Variants in CUX2 observed in about 807,000 individuals in gnomAD.
CUX2 encodes homeobox protein cut-like 2.
A neutral mutation model predicts 144.8 loss-of-function variants in CUX2; 40 were observed. That is an observed-to-expected ratio of 0.28 (90% confidence interval 0.21 to 0.36). The LOEUF (loss-of-function observed/expected upper bound fraction) is 0.36, where lower values mean the gene tolerates loss of function less well. Among genes scored for constraint, CUX2 ranks in the 10% least tolerant of loss-of-function variants. CUX2 has a pLI of 1.00. For synonymous variants in CUX2, 827 were observed against 875.6 expected (o/e 0.94, Z 0.98); for missense variants, 1,615 against 1,994.0 (o/e 0.81, Z 3.62).
intron 1 of CUX2, among the ~76,000 whole-genome samples, chr12:111,071,276 C>T (rs985325490): frequency 6.6e-6 from 1 of 152,108 alleles, no homozygotes; most frequent in South Asian, 2.1e-4. Flanking sequence ...ACATCTTTGC[C>T]AGCATTTAGT....
intron 3 of CUX2, among the ~76,000 whole-genome samples, chr12:111,227,556 G>A (rs148938578): frequency 1.1e-4 from 16 of 152,300 alleles, no homozygotes; most frequent in Admixed American, 2.0e-4. Context: ...GGTTCCAGGC[G>A]TACATCCCGC....
chr12:111,143,872 T>C (rs1369334240), intron 1 of CUX2, among the ~76,000 whole-genome samples: 1 of 152,184 alleles, frequency 6.6e-6, no homozygotes, highest in Non-Finnish European at 1.5e-5. Flanking sequence ...CCAGGATTCC[T>C]CTTGGGAGTT....
intron 4 of CUX2, among the ~76,000 whole-genome samples, chr12:111,278,134 G>T (rs964480324): frequency 6.6e-6 from 1 of 152,108 alleles, no homozygotes; most frequent in African/African-American, 2.4e-5. Context: ...TAACACTCAC[G>T]GGCAGGACGT....
chr12:111,233,087 C>T (rs892398919), intron 3 of CUX2, among the ~76,000 whole-genome samples: 2 of 152,150 alleles, frequency 1.3e-5, no homozygotes, highest in African/African-American at 4.8e-5. Flanking sequence ...AGAGGAACGG[C>T]ATGCCAGGTA....
intron 1 of CUX2, among the ~76,000 whole-genome samples, chr12:111,172,128 C>T (rs1436356428): frequency 6.6e-6 from 1 of 151,168 alleles, no homozygotes; most frequent in Non-Finnish European, 1.5e-5. Flanking sequence ...TGTGTGTGTG[C>T]ATGTGCCTTT....
chr12:111,330,306 C>T (rs569452608), intron 18 of CUX2, among the ~76,000 whole-genome samples: 1 of 152,260 alleles, frequency 6.6e-6, no homozygotes, highest in Admixed American at 6.5e-5. Flanking sequence ...CACCCCCAGG[C>T]TCTGGGGACT....
chr12:111,257,759 C>G (rs968599744), intron 3 of CUX2, among the ~76,000 whole-genome samples: 2 of 148,232 alleles, frequency 1.3e-5, no homozygotes, highest in African/African-American at 5.0e-5. Context: ...CTCTTCCTCC[C>G]TCTTTCTCCC....
intron 1 of CUX2, among the ~76,000 whole-genome samples, chr12:111,210,656 G>A (rs1275450618): frequency 6.6e-6 from 1 of 152,068 alleles, no homozygotes; most frequent in Admixed American, 6.6e-5. Flanking sequence ...AATTAGCTAG[G>A]CATGATGGCA....
Position 111,146,280 on chromosome 12 carries a change from A to G in CUX2, c.64-67920A>G, listed in dbSNP as rs370868972. ...GACAAATGTATGACGACGTGGCTCC[A>G]CCATTGTAGTATCATGAAGAAGAGT... is the stretch of plus-strand genomic sequence containing the variant. On this transcript the variant is annotated intron_variant, in intron 1 of 21. Transcript: ENST00000261726. Among the ~76,000 whole-genome samples, 217 of 152,332 alleles carry G rather than the reference A, an allele frequency of 1.4e-3. 5 individuals are homozygous for G. In the South Asian group the frequency reaches 0.026, roughly 18 times the overall value.
intron 1 of CUX2, among the ~76,000 whole-genome samples, chr12:111,072,741 C>T (rs1486185296): frequency 6.6e-6 from 1 of 152,206 alleles, no homozygotes; most frequent in Admixed American, 6.5e-5. Context: ...TTTACAGTCT[C>T]TGGTTCTATT....
At chr12:111,303,927 G>A (rs568597895) in intron 9 of CUX2, among the ~76,000 whole-genome samples, 1 of 152,136 alleles carries the variant, frequency 6.6e-6, no homozygotes, top group Non-Finnish European at 1.5e-5. Flanking sequence ...GACTCCTCTG[G>A]GGGTCCCAGG....
chr12:111,141,349 A>T (rs563896799), intron 1 of CUX2, among the ~76,000 whole-genome samples: 19 of 152,118 alleles, frequency 1.2e-4, no homozygotes, highest in Non-Finnish European at 2.8e-4. Flanking sequence ...TTGTTTGGTA[A>T]CCTGGATAAA....
intron 19 of CUX2, among the ~76,000 whole-genome samples, chr12:111,336,737 C>T (rs936560184): frequency 1.3e-5 from 2 of 151,950 alleles, no homozygotes; most frequent in African/African-American, 2.4e-5. Flanking sequence ...TGTGAGCCAC[C>T]GTGCCCAGCC....
intron 1 of CUX2, among the ~76,000 whole-genome samples, chr12:111,107,276 C>A (rs1369824831): frequency 6.6e-6 from 1 of 152,228 alleles, no homozygotes; most frequent in East Asian, 1.9e-4. Context: ...GCCCACAGGC[C>A]CCTCACACAG....
At chr12:111,218,061 A>AT in intron 3 of CUX2, 124 bp downstream of exon 3, 1 of 917,970 alleles carries the variant, frequency 1.1e-6, no homozygotes, top group East Asian at 2.4e-5. Flanking sequence ...CCCTGTCCCC[A>AT]TTGCAAACTC....
chr12:111,341,506 T>C (rs763061293), intron 20 of CUX2, among the ~76,000 whole-genome samples: 1 of 152,122 alleles, frequency 6.6e-6, no homozygotes, highest in Non-Finnish European at 1.5e-5. Flanking sequence ...TTCAAGTGCT[T>C]CCTATGCGTG....
At chr12:111,070,114 C>T (rs1215967787) in intron 1 of CUX2, among the ~76,000 whole-genome samples, 2 of 152,158 alleles carry the variant, frequency 1.3e-5, no homozygotes, top group Non-Finnish European at 2.9e-5. Context: ...CCTGGTCTTA[C>T]AAGGAGTTTG....
chr12:111,179,508 A>G (rs1395803081), intron 1 of CUX2, among the ~76,000 whole-genome samples: 1 of 152,120 alleles, frequency 6.6e-6, no homozygotes, highest in Non-Finnish European at 1.5e-5. Flanking sequence ...TAACGATCCT[A>G]CTTCATGGTG....
intron 1 of CUX2, among the ~76,000 whole-genome samples, chr12:111,213,722 C>T (rs1881362546): frequency 6.6e-6 from 1 of 152,208 alleles, no homozygotes; most frequent in Non-Finnish European, 1.5e-5. Flanking sequence ...GTAAGTAAGT[C>T]ATAGTTGGAG....
Sources: gnomAD v4.1 joint callset for allele counts (sites outside exome capture counted in the v4.1 genomes callset) on GRCh38, gnomAD v4.1.1 for gene constraint, MANE v1.5 for transcripts, NCBI Gene and HGNC (gene_info 2026-07-23, HGNC 2026-07-21) for gene names.